Variants in NUP43 observed in about 807,000 individuals in gnomAD.
NUP43 encodes nucleoporin Nup43.
Under a neutral mutation model 47.3 loss-of-function variants are expected in NUP43, and 32 were observed. The ratio of observed to expected loss-of-function variants is 0.68; its 90% CI spans 0.51 to 0.91. NUP43 has a LOEUF of 0.91. NUP43 is among the 40% of genes least tolerant of loss of function. NUP43 has a pLI of 0.00. For synonymous variants in NUP43, 147 were observed against 158.4 expected (o/e 0.93, Z 0.54); for missense variants, 444 against 453.9 (o/e 0.98, Z 0.20).
intron 4 of NUP43, among the ~76,000 whole-genome samples, chr6:149,738,998 CTTTTTTT>C (rs545839293): frequency 7.1e-6 from 1 of 141,480 alleles, no homozygotes; most frequent in Non-Finnish European, 1.6e-5. Context: ...TTTTCTGTTT[CTTTTTTT>C]TTTTTTTGCT....
chr6:149,747,577 C>G (rs1786078998), upstream of NUP43, among the ~76,000 whole-genome samples: 1 of 151,860 alleles, frequency 6.6e-6, no homozygotes, highest in Admixed American at 6.6e-5. Flanking sequence ...CGTGAGCTAG[C>G]ATTTGATATC....
At chr6:149,746,578 T>C, upstream of NUP43, 2 of 1,611,958 alleles carry the variant, frequency 1.2e-6, no homozygotes, top group Non-Finnish European at 1.7e-6. Flanking sequence ...GGAACCCTGA[T>C]TGGATGGGAC....
chr6:149,739,049 C>T (rs1401535701), intron 4 of NUP43, among the ~76,000 whole-genome samples: 5 of 150,586 alleles, frequency 3.3e-5, no homozygotes, highest in African/African-American at 7.3e-5. Flanking sequence ...GGCGCGATCT[C>T]GGCTCACCGC....
Position 149,727,205 on chromosome 6 carries a change from G to GA in NUP43, c.914-8dup. The GA allele has an allele frequency of 1.9e-6, 3 of 1,602,852 alleles. No individual in the cohort carries two copies. The highest frequency in any genetic ancestry group is 2.2e-5 in the East Asian group (1 of 44,778). ...AAAGTACTGCTTCTTCCTCCTGGGA[G>GA]AAAAAAAGAAAAGGAAGAAATCTTT... On this transcript the variant is annotated splice_region_variant and splice_polypyrimidine_tract_variant and intron_variant, in intron 7 of 7. Coordinates refer to ENST00000340413, the MANE Select transcript of NUP43 (RefSeq NM_198887.3).
At chr6:149,744,766 G>A (rs1343264512) in intron 2 of NUP43, among the ~76,000 whole-genome samples, 4 of 151,306 alleles carry the variant, frequency 2.6e-5, no homozygotes, top group Admixed American at 2.6e-4. Context: ...AACCCAGGAG[G>A]CAGAAGTTGC....
chr6:149,741,120 T>C (rs1252710035), intron 4 of NUP43, among the ~76,000 whole-genome samples: 1 of 152,076 alleles, frequency 6.6e-6, no homozygotes, highest in Non-Finnish European at 1.5e-5. Context: ...CTCATCAACA[T>C]ACTGTCTTGA....
At chr6:149,737,769 C>A (rs1393191382) in intron 5 of NUP43, among the ~76,000 whole-genome samples, 1 of 152,062 alleles carries the variant, frequency 6.6e-6, no homozygotes. Context: ...GATTCTCCTG[C>A]AAACTCTGGC....
At position 149,745,933 on chromosome 6, in the gene NUP43, G is replaced by A; in HGVS notation, c.243+7C>T. ...AAAGTTAGCTTTTGGATGCTACACA[G>A]ATTTACCTGTAAATCCATTACATCA... On this transcript the variant is annotated splice_region_variant and intron_variant, in intron 2 of 7. Transcript: ENST00000340413. The A allele has an allele frequency of 1.9e-6, 3 of 1,606,640 alleles. No individual in the cohort carries two copies. The South Asian group carries it at 3.4e-5, about 18-fold the overall frequency.
At chr6:149,745,706 T>A (rs1306658187) in intron 2 of NUP43, among the ~76,000 whole-genome samples, 1 of 152,184 alleles carries the variant, frequency 6.6e-6, no homozygotes, top group African/African-American at 2.4e-5. Flanking sequence ...CAAACGGTAT[T>A]TAGCACATAG....
chr6:149,746,648 A>T (rs768643643), upstream of NUP43: 3 of 1,574,370 alleles, frequency 1.9e-6, no homozygotes, highest in Non-Finnish European at 2.6e-6. Context: ...GTGTGGGCAC[A>T]GTCAGTACCT....
chr6:149,727,378 T>A, intron 7 of NUP43, 180 bp from the exon 8 acceptor site: 1 of 984,302 alleles, frequency 1.0e-6, no homozygotes, highest in Non-Finnish European at 1.2e-6. Flanking sequence ...TTCAGTGATA[T>A]TAAATATTCA....
intron 6 of NUP43, 62 bp downstream of exon 6, chr6:149,736,409 G>A (rs1451312566): frequency 8.4e-7 from 1 of 1,196,662 alleles, no homozygotes; most frequent in East Asian, 2.5e-5. Flanking sequence ...TTATGGAAAG[G>A]TGCTTATTAT....
upstream of NUP43, chr6:149,746,598 G>C (rs1371116721): frequency 6.2e-7 from 1 of 1,610,124 alleles, no homozygotes; most frequent in Non-Finnish European, 8.5e-7. Context: ...CTTTAGGACG[G>C]AGACGGTGGC....
chr6:149,735,977 A>C (rs1255041349), intron 6 of NUP43, among the ~76,000 whole-genome samples: 1 of 27,108 alleles, frequency 3.7e-5, no homozygotes, highest in Non-Finnish European at 1.1e-4. Flanking sequence ...TGTCTCTTTA[A>C]AAAAAAAAAA....
intron 7 of NUP43, 67 bp from the exon 8 acceptor site, chr6:149,727,265 TCTA>T: frequency 6.6e-7 from 1 of 1,522,902 alleles, no homozygotes; most frequent in Non-Finnish European, 8.9e-7. Context: ...CATTCAAACT[TCTA>T]CTGATATTTA....
intron 2 of NUP43, among the ~76,000 whole-genome samples, chr6:149,744,308 G>A (rs948179995): frequency 3.3e-5 from 5 of 151,762 alleles, no homozygotes; most frequent in South Asian, 2.1e-4. Flanking sequence ...AGCGGATCAC[G>A]AGGTCAGGAG....
chr6:149,737,935 C>G (rs1348876123), intron 5 of NUP43, among the ~76,000 whole-genome samples: 1 of 152,086 alleles, frequency 6.6e-6, no homozygotes, highest in Non-Finnish European at 1.5e-5. Flanking sequence ...AAGTGATCTG[C>G]CTGCCTCGGC....
At chr6:149,731,869 T>C (rs1785063085) in intron 6 of NUP43, 134 bp from the exon 7 acceptor site, 1 of 859,932 alleles carries the variant, frequency 1.2e-6, no homozygotes, top group Non-Finnish European at 1.8e-6. Context: ...TCCTAAAAAT[T>C]AAAGGCTTCA....
At chr6:149,739,389 C>T (rs780028797) in intron 4 of NUP43, among the ~76,000 whole-genome samples, 3 of 151,984 alleles carry the variant, frequency 2.0e-5, no homozygotes, top group African/African-American at 7.3e-5. Context: ...CAGGTTCAAG[C>T]GATTCTCTTG....
Sources: allele counts gnomAD v4.1 joint callset (sites outside exome capture counted in the v4.1 genomes callset), GRCh38; gene constraint gnomAD v4.1.1; transcripts MANE v1.5; gene names NCBI Gene and HGNC (gene_info 2026-07-23, HGNC 2026-07-21).